Variants in ELP4 observed in about 807,000 individuals in gnomAD.
The protein encoded by ELP4 is elongator acetyltransferase complex subunit 4, also known as elongator complex protein 4.
A neutral mutation model predicts 48.9 loss-of-function variants in ELP4; 51 were observed. That is an observed-to-expected ratio of 1.04 (90% confidence interval 0.83 to 1.32). The LOEUF (loss-of-function observed/expected upper bound fraction) is 1.32, where lower values mean the gene tolerates loss of function less well. Ranked by LOEUF, ELP4 falls within the 40% of genes most tolerant of loss-of-function variation. The pLI, the probability that ELP4 is intolerant of heterozygous loss-of-function variation, is 0.00. For missense variants in ELP4, 519 were observed against 514.6 expected, an observed-to-expected ratio of 1.01 and a Z score of -0.08; for synonymous variants, 210 against 189.2, an observed-to-expected ratio of 1.11 and a Z score of -0.90.
intron 3 of ELP4, among the ~76,000 whole-genome samples, chr11:31,555,190 T>C (rs777819162): frequency 1.3e-4 from 20 of 152,150 alleles, no homozygotes; most frequent in Non-Finnish European, 2.5e-4. Context: ...ATGTGCTATG[T>C]ACTATCAAGG....
intron 5 of ELP4, among the ~76,000 whole-genome samples, chr11:31,625,183 C>T (rs186874082): frequency 6.6e-5 from 10 of 151,658 alleles, no homozygotes; most frequent in Admixed American, 4.0e-4. Context: ...TCACCATAAA[C>T]GTGAGTAATA....
At chr11:31,608,036 G>A (rs1957905825) in intron 5 of ELP4, among the ~76,000 whole-genome samples, 1 of 99,800 alleles carries the variant, frequency 1.0e-5, no homozygotes, top group African/African-American at 2.8e-5. Context: ...AATAGAGTTT[G>A]CAATTTTTTT....
intron 2 of ELP4, among the ~76,000 whole-genome samples, chr11:31,532,407 G>C (rs1242789090): frequency 1.3e-5 from 2 of 152,180 alleles, no homozygotes; most frequent in Non-Finnish European, 2.9e-5. Flanking sequence ...ACTAAGGATA[G>C]TATGGGGAGC....
chr11:31,559,984 AT>A (rs985542344), intron 3 of ELP4, among the ~76,000 whole-genome samples: 1 of 128,026 alleles, frequency 7.8e-6, no homozygotes, highest in African/African-American at 3.8e-5. Flanking sequence ...TAATTTTCAA[AT>A]TAAAAAAAAA....
intron 9 of ELP4, among the ~76,000 whole-genome samples, chr11:31,705,338 A>G (rs1946608948): frequency 6.6e-6 from 1 of 152,064 alleles, no homozygotes; most frequent in South Asian, 2.1e-4. Flanking sequence ...TGATGACCTT[A>G]TCTAATCCTA....
intron 9 of ELP4, among the ~76,000 whole-genome samples, chr11:31,713,327 A>T (rs139509144): frequency 8.7e-4 from 133 of 152,270 alleles, no homozygotes; most frequent in African/African-American, 3.1e-3. Context: ...TTTACTGTTG[A>T]TTCTAACTTT....
chr11:31,732,610 C>T (rs1947216828), intron 9 of ELP4, among the ~76,000 whole-genome samples: 2 of 152,064 alleles, frequency 1.3e-5, no homozygotes, highest in South Asian at 4.1e-4. Context: ...AAGCAAAAGA[C>T]ACAGAGTGGC....
chr11:31,591,677 C>T (rs1387383419), intron 3 of ELP4, among the ~76,000 whole-genome samples: 1 of 152,024 alleles, frequency 6.6e-6, no homozygotes, highest in African/African-American at 2.4e-5. Context: ...AATGGTGCAG[C>T]CACTGTAGAA....
At chr11:31,538,094 A>T (rs1374925892) in intron 2 of ELP4, among the ~76,000 whole-genome samples, 1 of 152,022 alleles carries the variant, frequency 6.6e-6, no homozygotes. Context: ...TTTATCCAAA[A>T]TATTTAATTG....
intron 5 of ELP4, among the ~76,000 whole-genome samples, chr11:31,610,426 A>T (rs1452264406): frequency 6.6e-6 from 1 of 152,094 alleles, no homozygotes; most frequent in Non-Finnish European, 1.5e-5. Context: ...AGTATATTGC[A>T]TCATGCTGAG....
chr11:31,533,506 T>C (rs2984813), intron 2 of ELP4, among the ~76,000 whole-genome samples: 8 of 149,798 alleles, frequency 5.3e-5, no homozygotes, highest in African/African-American at 2.0e-4. Flanking sequence ...GCCTGCCAAG[T>C]AGCTGGGACT....
At chr11:31,762,779 A>AT (rs1324720498) in intron 9 of ELP4, among the ~76,000 whole-genome samples, 5 of 151,560 alleles carry the variant, frequency 3.3e-5, no homozygotes, top group Non-Finnish European at 5.9e-5. Flanking sequence ...CTTAAGATAT[A>AT]TTTTTTAAAC....
chr11:31,579,500 G>A (rs1448703736), intron 3 of ELP4, among the ~76,000 whole-genome samples: 1 of 152,136 alleles, frequency 6.6e-6, no homozygotes, highest in Admixed American at 6.6e-5. Flanking sequence ...GTTTATTGCG[G>A]CACTTTTCGC....
At chr11:31,594,982 A>T (rs1592145329) in intron 4 of ELP4, 81 bp downstream of exon 4, 17 of 1,158,956 alleles carry the variant, frequency 1.5e-5, no homozygotes, top group Non-Finnish European at 1.4e-5. Context: ...GTATGCCTAT[A>T]TGTGTATTTG....
chr11:31,640,154 G>T (rs1048909688), intron 7 of ELP4, among the ~76,000 whole-genome samples: 1 of 151,668 alleles, frequency 6.6e-6, no homozygotes, highest in African/African-American at 2.4e-5. Context: ...AGAAAAAGAG[G>T]GGAAATGATC....
At chr11:31,630,999 C>T (rs1944849891) in intron 6 of ELP4, among the ~76,000 whole-genome samples, 1 of 152,030 alleles carries the variant, frequency 6.6e-6, no homozygotes, top group African/African-American at 2.4e-5. Flanking sequence ...ATGTGTGTGT[C>T]TTGTCCAGAA....
chr11:31,681,413 C>T (rs2134122930), intron 9 of ELP4, among the ~76,000 whole-genome samples: 1 of 152,270 alleles, frequency 6.6e-6, no homozygotes, highest in East Asian at 1.9e-4. Context: ...GAAAATTAGA[C>T]AGCTGCTATG....
intron 9 of ELP4, among the ~76,000 whole-genome samples, chr11:31,734,280 G>C (rs1947255664): frequency 6.6e-6 from 1 of 152,160 alleles, no homozygotes; most frequent in African/African-American, 2.4e-5. Flanking sequence ...AAAACTGAAA[G>C]CTCTTCCTCT....
intron 5 of ELP4, 149 bp from the exon 6 acceptor site, chr11:31,626,961 A>G (rs1258200559): frequency 6.2e-6 from 3 of 481,382 alleles, no homozygotes; most frequent in African/African-American, 4.0e-5. Context: ...TTGACTTTAT[A>G]TTTTAGGATT....
Sources: allele counts gnomAD v4.1 joint callset (sites outside exome capture counted in the v4.1 genomes callset), GRCh38; gene constraint gnomAD v4.1.1; transcripts MANE v1.5; gene names NCBI Gene and HGNC (gene_info 2026-07-23, HGNC 2026-07-21).